The following DDX54 variants were observed in gnomAD, a reference collection of about 807,000 sequenced individuals.
DDX54 encodes ATP-dependent RNA helicase DDX54.
In DDX54, 67 loss-of-function variants were observed where a neutral mutation model predicts 105.5. The ratio of observed to expected loss-of-function variants is 0.64; its 90% CI spans 0.52 to 0.78. The LOEUF (loss-of-function observed/expected upper bound fraction) is 0.78. DDX54 is among the 30% of genes least tolerant of loss of function. The probability of loss-of-function intolerance (pLI) is 0.00; values close to 1 mark genes in which losing one functional copy is unlikely to be tolerated. For missense variants in DDX54, 1,206 were observed against 1,230.5 expected (o/e 0.98, Z 0.30); for synonymous variants, 514 against 509.9 (o/e 1.01, Z -0.11).
At chr12:113,169,672 C>T in intron 12 of DDX54, 98 bp downstream of exon 12, 1 of 1,373,660 alleles carries the variant, frequency 7.3e-7, no homozygotes, top group African/African-American at 1.5e-5. Context: ...AAGGAATCAT[C>T]TTCTGCTGGG....
chr12:113,165,956 G>C lies in DDX54; in HGVS notation c.1491C>G (p.Ser497Arg). The C allele has an allele frequency of 6.2e-7, 1 of 1,613,546 alleles. No individual in the cohort carries two copies. The highest frequency in any genetic ancestry group is 8.5e-7 in the Non-Finnish European group (1 of 1,180,036). ...GTAGCTCCAGCGATGCCTCCAGGGTGCTCTGCAGACCACTGTCCTCCTCGT... is the reference window on the plus strand; with the variant it reads ...GTAGCTCCAGCGATGCCTCCAGGGTCCTCTGCAGACCACTGTCCTCCTCGT... ...VVDEEDSGLQ[S>R]TLEASLELRG... The change falls in exon 13 of 20, where the codon AGC (serine) becomes AGG (arginine). Residue 497 changes from serine (S) to arginine (R), a missense_variant. By Grantham distance (110) the Ser-to-Arg change is moderately radical. Transcript: ENST00000306014.
chr12:113,178,729 G>C (rs1419716355), intron 5 of DDX54, among the ~76,000 whole-genome samples: 1 of 152,102 alleles, frequency 6.6e-6, no homozygotes, highest in Non-Finnish European at 1.5e-5. Flanking sequence ...TTTTAGTAGA[G>C]ACAGGGTTCT....
In DDX54 at chr12:113,185,400, C is replaced by T. The variant is rs1364434299; in HGVS notation, c.52G>A (p.Ala18Thr). ...AGCCCTTTCTTCTTCCTCCACTGGG[C>T]CATGGCAGCTCGCGACCGAGGTCCA... ...AAGPRSRAAM[A>T]QWRKKKGLRK... Residue 18 changes from alanine to threonine, a missense_variant, in exon 1 of 20, where the codon GCC (alanine) becomes ACC (threonine). Transcript: ENST00000306014. 6 of 1,547,752 alleles carry T rather than the reference C, an allele frequency of 3.9e-6. No homozygotes were observed. The African/African-American group carries it at 8.4e-5, about 22-fold the overall frequency.
rs1305790963 is a variant in DDX54 at position 113,165,816 on chromosome 12, A to G, written c.1631T>C (p.Leu544Pro). The change falls in exon 13 of 20, where the codon CTG (leucine) becomes CCG (proline). Residue 544 changes from leucine (L) to proline (P), a missense_variant. Coordinates refer to ENST00000306014, the MANE Select transcript of DDX54 (RefSeq NM_024072.4). The part of the protein sequence containing the change: ...AKEMDLVGLG[L>P]HPLFSSRFEE... ...GAAGGACTCACTGAAGAGGGGGTGC[A>G]GGCCCAGCCCCACAAGGTCCATCTC... 6.2e-7 allele frequency: 1 copy of G among 1,605,314 alleles called. No homozygotes were observed. The highest frequency in any genetic ancestry group is 2.2e-5 in the East Asian group (1 of 44,666).
chr12:113,157,881 G>A lies in DDX54; in HGVS notation c.*996C>T. 1.7e-6 allele frequency: 1 copy of A among 596,700 alleles called. No homozygotes were observed. Among genetic ancestry groups the A allele is most frequent in the South Asian group, 2.0e-5 (1 of 50,406 alleles). 37.0% of individuals were successfully genotyped at this position (596,700 alleles called of 1,614,324 possible). ...CAAGCACTCCATAAATGCAGGCCCTGATGAGGAGGTGATGGGAAGGTCAAG... is the reference window on the plus strand; with the variant it reads ...CAAGCACTCCATAAATGCAGGCCCTAATGAGGAGGTGATGGGAAGGTCAAG... On this transcript the variant is annotated 3_prime_UTR_variant, in exon 20 of 20. Transcript: ENST00000306014.
chr12:113,159,286 CA>C, intron 19 of DDX54, 177 bp from the exon 20 acceptor site: 1 of 670,184 alleles, frequency 1.5e-6, no homozygotes, highest in Non-Finnish European at 2.4e-6. Context: ...ATGGAGTGGT[CA>C]ATAACACGGG....
In DDX54 at chr12:113,164,194, A is replaced by T; in HGVS notation, c.1811T>A (p.Phe604Tyr). The change falls in exon 15 of 20, where the codon TTC becomes TAC. Residue 604 changes from phenylalanine (F) to tyrosine (Y), a missense_variant. By Grantham distance (22) the Phe-to-Tyr change is conservative. Coordinates refer to ENST00000306014, the MANE Select transcript of DDX54 (RefSeq NM_024072.4). ...CTGCCGCCCCTGCTGTCCCTGCTGG[A>T]AGCGGGCGATGGCCTTGCGGTCCTT... ...RQKDRKAIAR[F>Y]QQGQQGRQEQ... 3.2e-6 allele frequency: 5 copies of T among 1,573,194 alleles called. No individual in the cohort carries two copies. Among genetic ancestry groups the T allele is most frequent in the Non-Finnish European group, 4.3e-6 (5 of 1,160,274 alleles).
chr12:113,174,599 C>T (rs1952377018), intron 10 of DDX54, 41 bp downstream of exon 10: 8 of 1,597,988 alleles, frequency 5.0e-6, no homozygotes, highest in Non-Finnish European at 6.0e-6. Flanking sequence ...CTCCAAACTC[C>T]AGCTGAAGGA....
rs568020642 is a variant in DDX54 at position 113,181,755 on chromosome 12, T to C, written c.175-697A>G. Among the ~76,000 whole-genome samples the C allele has an allele frequency of 1.0e-4, 15 of 149,132 alleles. No individual in the cohort carries two copies. In the South Asian group the frequency reaches 3.1e-3, roughly 31 times the overall value. ...CTGGTCTGTCTCATGCCTGGCCTCC[T>C]TTCTGCTCACCCAGGACCCACTTGT... On this transcript the variant is annotated intron_variant, in intron 1 of 19. Coordinates refer to ENST00000306014, the MANE Select transcript of DDX54 (RefSeq NM_024072.4).
At position 113,162,850 on chromosome 12, in the gene DDX54, G is replaced by A. The variant is rs58200100; in HGVS notation, c.2195+82C>T. ...GCATGGAGGGAGGGGCGGCTCACTCGATCACTCACCCCAGGCACGGAGGAG... is the reference window on the plus strand; with the variant it reads ...GCATGGAGGGAGGGGCGGCTCACTCAATCACTCACCCCAGGCACGGAGGAG... On this transcript the variant is annotated intron_variant, in intron 17 of 19. Transcript: ENST00000306014. 25,346 of 1,354,952 alleles carry A rather than the reference G, an allele frequency of 0.019. 1,699 individuals are homozygous for A. The East Asian group carries it at 0.22, about 12-fold the overall frequency. The allele number at this position is 1,354,952 out of a possible 1,614,324, so 83.9% of individuals were successfully genotyped here.
At position 113,163,018 on chromosome 12, in the gene DDX54, G is replaced by C; in HGVS notation, c.2109C>G (p.Ala703=). ...CAGCGCCAGCTGCCTGCTGCTCAAA[G>C]GCTCCCCCTTCCCCGCTGATGCTCA... The part of the protein sequence containing the change: ...RGLSISGEGG[A]FEQQAAGAVL... Residue 703 remains alanine, a synonymous_variant, in exon 17 of 20, where the codon GCC becomes GCG. Coordinates refer to ENST00000306014, the MANE Select transcript of DDX54 (RefSeq NM_024072.4). This position sits in a 1 kb window ranked among gnomAD's most constrained non-coding sequence, Gnocchi z 5.9. 1.2e-6 allele frequency: 2 copies of C among 1,609,818 alleles called. No individual in the cohort carries two copies.
intron 3 of DDX54, among the ~76,000 whole-genome samples, chr12:113,179,533 A>G (rs1952441284): frequency 6.6e-6 from 1 of 151,806 alleles, no homozygotes; most frequent in Non-Finnish European, 1.5e-5. Flanking sequence ...CACTACCCCA[A>G]CTCTTTCCAT....
chr12:113,180,159 A>G (rs1167023160), intron 2 of DDX54, among the ~76,000 whole-genome samples, 154 bp from the exon 3 acceptor site: 1 of 152,162 alleles, frequency 6.6e-6, no homozygotes, highest in East Asian at 1.9e-4. Context: ...AATGAGACTT[A>G]GGAGACAGAT....
At chr12:113,176,997 C>T in intron 6 of DDX54, 55 bp downstream of exon 6, 5 of 1,613,246 alleles carry the variant, frequency 3.1e-6, no homozygotes, top group Non-Finnish European at 4.2e-6. Flanking sequence ...AGTTCTCTTA[C>T]ACCCCCACCA....
At chr12:113,184,972 G>A (rs1241518574) in intron 1 of DDX54, among the ~76,000 whole-genome samples, 1 of 152,182 alleles carries the variant, frequency 6.6e-6, no homozygotes, top group African/African-American at 2.4e-5. Flanking sequence ...TTTTCATTGG[G>A]CGAAAGGGAG....
At chr12:113,180,450 C>G (rs1380393611) in intron 2 of DDX54, among the ~76,000 whole-genome samples, 1 of 152,284 alleles carries the variant, frequency 6.6e-6, no homozygotes, top group South Asian at 2.1e-4. Flanking sequence ...CCAAGCTGGA[C>G]TTGAACTCCT....
rs780800788 is a variant in DDX54, at chr12:113,164,139, G to A, written c.1866C>T (p.Ala622=). The change falls in exon 15 of 20, where the codon GCC becomes GCT. Residue 622 remains alanine (A), a synonymous_variant. Transcript: ENST00000306014. ...TCTCCTGCAGTGCTGGGCGGCTCGG[G>A]GCTGGGCCCACTGGGCCCTCCTGCT... ...QEQQEGPVGP[A]PSRPALQEKQ... is the part of the protein sequence containing the mutation. The A allele has an allele frequency of 5.1e-6, 8 of 1,553,484 alleles. No individual in the cohort carries two copies. The South Asian group carries it at 5.9e-5, about 12-fold the overall frequency.
Position 113,164,241 on chromosome 12 carries a change from C to T in DDX54, c.1764G>A (p.Gln588=). Residue 588 remains glutamine (Q), a synonymous_variant, in exon 15 of 20, where the codon CAG becomes CAA. Transcript: ENST00000306014. Reference sequence around the variant, plus strand: ...CCTTCTGCCGCTTGGCGCGCATCACCTGGCTGCACAGGTCTCGGCTGGAGG... The same window carrying T: ...CCTTCTGCCGCTTGGCGCGCATCACTTGGCTGCACAGGTCTCGGCTGGAGG... ...INASSRDLCS[Q]VMRAKRQKDR... is the part of the protein sequence containing the mutation. 1 of 1,596,936 alleles carries T rather than the reference C, an allele frequency of 6.3e-7. No homozygotes were observed. The highest frequency in any genetic ancestry group is 8.5e-7 in the Non-Finnish European group (1 of 1,172,808).
chr12:113,163,026 C>G lies in DDX54; in HGVS notation c.2101G>C (p.Gly701Arg), dbSNP rs199682901. Residue 701 changes from glycine to arginine, a missense_variant, in exon 17 of 20, where the codon GGG becomes CGG. By Grantham distance (125) the Gly-to-Arg change is moderately radical (BLOSUM62 -2). Around this residue, in one of 3 missense-constraint regions of DDX54, gnomAD observed 961 missense variants for 1,019.1 expected, o/e 0.94. Coordinates refer to ENST00000306014, the MANE Select transcript of DDX54 (RefSeq NM_024072.4). The surrounding 1 kb of genome is among the most constrained non-coding windows in gnomAD (Gnocchi z 5.9). ...GCTGCCTGCTGCTCAAAGGCTCCCC[C>G]TTCCCCGCTGATGCTCAGGCTGCAG... ...SERGLSISGE[G>R]GAFEQQAAGA... 1.5e-4 allele frequency: 242 copies of G among 1,609,556 alleles called. No individual in the cohort carries two copies. The East Asian group carries it at 3.7e-3, about 24-fold the overall frequency.
Sources: allele counts gnomAD v4.1 joint callset (sites outside exome capture counted in the v4.1 genomes callset), GRCh38; gene constraint gnomAD v4.1.1; regional missense constraint gnomAD v4.1.1; non-coding constraint Gnocchi (gnomAD v3.1); transcripts MANE v1.5; gene names NCBI Gene and HGNC (gene_info 2026-07-23, HGNC 2026-07-21).